Variants in SLCO6A1 observed in about 807,000 individuals in gnomAD.
SLCO6A1 encodes the protein cancer/testis antigen 48.
SLCO6A1 carries 65 observed loss-of-function variants against 72.7 expected under a neutral mutation model. That is an observed-to-expected ratio of 0.89 (90% confidence interval 0.73 to 1.10). The LOEUF is 1.10. Among genes scored for constraint, SLCO6A1 ranks in the 50% least tolerant of loss-of-function variants. The pLI is 0.00. For missense variants in SLCO6A1, 874 were observed against 872.6 expected (o/e 1.00, Z -0.02); for synonymous variants, 314 against 298.2 (o/e 1.05, Z -0.55).
chr5:102,408,650 G>A (rs1211955208), intron 9 of SLCO6A1, among the ~76,000 whole-genome samples: 2 of 152,002 alleles, frequency 1.3e-5, no homozygotes, highest in East Asian at 1.9e-4. Context: ...AGTGAAAACC[G>A]TTTTCAAAAT....
At chr5:102,462,070 T>C (rs1303979517) in intron 4 of SLCO6A1, among the ~76,000 whole-genome samples, 1 of 152,170 alleles carries the variant, frequency 6.6e-6, no homozygotes. Context: ...GTAGCACTGC[T>C]ATACACCGAC....
intron 3 of SLCO6A1, 145 bp downstream of exon 3, chr5:102,477,531 G>A: frequency 1.6e-6 from 1 of 607,728 alleles, no homozygotes; most frequent in East Asian, 2.8e-5. Flanking sequence ...GAATCAATGT[G>A]ATTTGGAGGT....
At position 102,447,913 on chromosome 5, in the gene SLCO6A1, A is replaced by T. The variant is rs138933212; in HGVS notation, c.1132-9152T>A. Among the ~76,000 whole-genome samples, 317 of 151,842 alleles carry T rather than the reference A, an allele frequency of 2.1e-3. 3 individuals carry two copies. Among genetic ancestry groups the T allele is most frequent in the African/African-American group, 7.3e-3 (301 of 41,428 alleles). On this transcript the variant is annotated intron_variant, in intron 6 of 13. Coordinates refer to ENST00000506729, the MANE Select transcript of SLCO6A1 (RefSeq NM_173488.5). ...TTTTGTTTCCTTCTTTTCTTCTGCT[A>T]CCTTTGGAGTTGGTTTGCTCTTGTT...
chr5:102,488,919 T>A (rs1752556265), intron 1 of SLCO6A1, among the ~76,000 whole-genome samples: 1 of 152,192 alleles, frequency 6.6e-6, no homozygotes, highest in African/African-American at 2.4e-5. Context: ...AGGGCTTACA[T>A]TCAAATATTG....
At chr5:102,436,239 C>T (rs1462784157) in intron 7 of SLCO6A1, among the ~76,000 whole-genome samples, 1 of 152,128 alleles carries the variant, frequency 6.6e-6, no homozygotes, top group African/African-American at 2.4e-5. Context: ...CTTCTGATGC[C>T]TAAACCTTTC....
intron 1 of SLCO6A1, among the ~76,000 whole-genome samples, chr5:102,484,396 T>A (rs1752348795): frequency 6.6e-6 from 1 of 152,106 alleles, no homozygotes; most frequent in African/African-American, 2.4e-5. Context: ...ACACCTGTAA[T>A]CCCAGCAGTT....
chr5:102,450,183 T>C (rs1338790486), intron 6 of SLCO6A1, among the ~76,000 whole-genome samples: 1 of 152,190 alleles, frequency 6.6e-6, no homozygotes. Flanking sequence ...GTGAGGTTGT[T>C]TGGAAGTAAA....
At position 102,408,640 on chromosome 5, in the gene SLCO6A1, AG is replaced by A. The variant is rs547189303; in HGVS notation, c.1626+4349del. Among the ~76,000 whole-genome samples, 20 of 152,284 alleles carry A rather than the reference AG, an allele frequency of 1.3e-4. No homozygotes were observed. The South Asian group carries it at 4.1e-3, about 32-fold the overall frequency. On this transcript the variant is annotated intron_variant, in intron 9 of 13. Coordinates refer to ENST00000506729, the MANE Select transcript of SLCO6A1 (RefSeq NM_173488.5). ...ACTGCCAATCTAAAGTTCCATACCC[AG>A]TGAAAACCGTTTTCAAAATGAAGGT...
intron 4 of SLCO6A1, among the ~76,000 whole-genome samples, chr5:102,464,680 G>C (rs1751221719): frequency 6.6e-6 from 1 of 152,070 alleles, no homozygotes; most frequent in South Asian, 2.1e-4. Context: ...TGTATCAGAG[G>C]GTCATAAGAC....
chr5:102,379,989 G>T (rs1245075819), intron 12 of SLCO6A1, among the ~76,000 whole-genome samples: 5 of 151,674 alleles, frequency 3.3e-5, no homozygotes, highest in South Asian at 2.1e-4. Flanking sequence ...TGGTGTTATT[G>T]TATTTATCAT....
intron 6 of SLCO6A1, among the ~76,000 whole-genome samples, chr5:102,454,493 A>G (rs1180605572): frequency 6.6e-6 from 1 of 152,202 alleles, no homozygotes; most frequent in African/African-American, 2.4e-5. Context: ...TAAAAGTGCC[A>G]CCTTCTGATA....
intron 7 of SLCO6A1, among the ~76,000 whole-genome samples, chr5:102,423,015 CA>C (rs1748691880): frequency 6.6e-6 from 1 of 152,078 alleles, no homozygotes; most frequent in African/African-American, 2.4e-5. Flanking sequence ...ATTTCATATC[CA>C]ACCAAACTAA....
chr5:102,491,962 C>T (rs1752703069), intron 1 of SLCO6A1, among the ~76,000 whole-genome samples: 1 of 152,236 alleles, frequency 6.6e-6, no homozygotes, highest in Admixed American at 6.5e-5. Flanking sequence ...TCAGGGAGGC[C>T]TCAGGAAGCT....
intron 10 of SLCO6A1, among the ~76,000 whole-genome samples, chr5:102,392,766 A>C (rs572065942): frequency 4.2e-4 from 64 of 152,142 alleles, no homozygotes; most frequent in South Asian, 3.1e-3. Context: ...TAAACAACAA[A>C]AAAAAAACTT....
chr5:102,447,156 T>C (rs1750157788), intron 6 of SLCO6A1, among the ~76,000 whole-genome samples: 1 of 152,250 alleles, frequency 6.6e-6, no homozygotes, highest in Admixed American at 6.5e-5. Flanking sequence ...GTTTATGTGG[T>C]GAATCACATT....
intron 8 of SLCO6A1, among the ~76,000 whole-genome samples, chr5:102,419,047 C>G (rs1480074231): frequency 6.6e-6 from 1 of 152,042 alleles, no homozygotes; most frequent in Non-Finnish European, 1.5e-5. Flanking sequence ...ACTCTTCACC[C>G]AAATTCTCAG....
chr5:102,498,939 C>A lies in SLCO6A1; in HGVS notation c.-95G>T. 6 of 1,209,880 alleles carry A rather than the reference C, an allele frequency of 5.0e-6. No individual in the cohort carries two copies. Among genetic ancestry groups the A allele is most frequent in the South Asian group, 4.3e-5 (3 of 69,150 alleles). The allele number at this position is 1,209,880 out of a possible 1,614,324, so 74.9% of individuals were successfully genotyped here. A position where few individuals can be genotyped will look rare whatever the true frequency, so the allele number is the denominator to read the frequency against. On this transcript the variant is annotated 5_prime_UTR_variant, in exon 1 of 14. Coordinates refer to ENST00000506729, the MANE Select transcript of SLCO6A1 (RefSeq NM_173488.5). ...CCAAAGGCCAGCCTGGCGAGGGCGT[C>A]GGAGGACTCGGTGGCCACAAGGGGC...
In SLCO6A1 at chr5:102,498,564, A is replaced by T. The variant is rs763245560; in HGVS notation, c.281T>A (p.Leu94Ter). The change falls in exon 1 of 14, where the codon TTA becomes TAA. Residue 94 changes from leucine (L) to a stop codon, truncating the protein, a stop_gained. Coordinates refer to ENST00000506729, the MANE Select transcript of SLCO6A1 (RefSeq NM_173488.5). LOFTEE classifies it high-confidence loss of function. ...SLEQPCGLGC[L>*]VSTCCECCNN... ...GCAACACTCACAGCAGGTGCTGACT[A>T]AGCAGCCCAAACCACAGGGCTGCTC... 1.9e-5 allele frequency: 30 copies of T among 1,614,124 alleles called. No homozygotes were observed. Among genetic ancestry groups the T allele is most frequent in the Non-Finnish European group, 2.5e-5 (30 of 1,180,040 alleles).
chr5:102,456,631 T>C (rs1347866787), intron 6 of SLCO6A1, among the ~76,000 whole-genome samples: 1 of 152,240 alleles, frequency 6.6e-6, no homozygotes, highest in Non-Finnish European at 1.5e-5. Context: ...GAACATTCCA[T>C]GCTCATGGGT....
Sources: gnomAD v4.1 joint callset for allele counts (sites outside exome capture counted in the v4.1 genomes callset) on GRCh38, gnomAD v4.1.1 for gene constraint, MANE v1.5 for transcripts, NCBI Gene and HGNC (gene_info 2026-07-23, HGNC 2026-07-21) for gene names.